The following CRY1 variants were observed in gnomAD, a reference collection of about 807,000 sequenced individuals.
CRY1 encodes cryptochrome circadian regulator 1, also known as cryptochrome-1.
Under a neutral mutation model 76.0 loss-of-function variants are expected in CRY1, and 45 were observed. The ratio of observed to expected loss-of-function variants is 0.59; its 90% CI spans 0.47 to 0.76. The LOEUF (loss-of-function observed/expected upper bound fraction) is 0.76, where lower values mean the gene tolerates loss of function less well. Ranked by LOEUF, CRY1 falls within the 30% of genes least tolerant of loss-of-function variation. CRY1 has a pLI of 0.00. For synonymous variants in CRY1, 248 were observed against 244.0 expected (o/e 1.02, Z -0.15); for missense variants, 587 against 716.4 (o/e 0.82, Z 2.06).
intron 1 of CRY1, among the ~76,000 whole-genome samples, chr12:107,068,604 T>C (rs12312071): frequency 0.016 from 2,432 of 152,116 alleles, 70 homozygotes; most frequent in African/African-American, 0.056. Flanking sequence ...AGCCCAAAAT[T>C]AATAATGTTA....
chr12:107,021,283 C>G (rs1407578340), intron 2 of CRY1, among the ~76,000 whole-genome samples: 3 of 150,840 alleles, frequency 2.0e-5, no homozygotes, highest in Non-Finnish European at 2.9e-5. Context: ...GACTCCATCT[C>G]AAAAAAAGAA....
At chr12:106,995,637 TTTTC>T (rs1459837033) in intron 10 of CRY1, among the ~76,000 whole-genome samples, 1 of 152,136 alleles carries the variant, frequency 6.6e-6, no homozygotes, top group South Asian at 2.1e-4. Flanking sequence ...TAGATTTCTT[TTTTC>T]TTTTTTTTCC....
intron 2 of CRY1, among the ~76,000 whole-genome samples, chr12:107,018,156 A>T (rs969083164): frequency 6.6e-6 from 1 of 152,268 alleles, no homozygotes; most frequent in Non-Finnish European, 1.5e-5. Flanking sequence ...TAACTTAAAA[A>T]AGCATAATAT....
chr12:107,031,180 A>G (rs1227942743), intron 1 of CRY1, among the ~76,000 whole-genome samples: 1 of 152,170 alleles, frequency 6.6e-6, no homozygotes, highest in Non-Finnish European at 1.5e-5. Flanking sequence ...GCAAGAAGGC[A>G]TAACAGGTCA....
intron 1 of CRY1, among the ~76,000 whole-genome samples, chr12:107,078,328 C>T (rs1199691037): frequency 6.6e-6 from 1 of 152,084 alleles, no homozygotes; most frequent in African/African-American, 2.4e-5. Flanking sequence ...TTTCCCACCT[C>T]TAAGTCTTTG....
At chr12:107,005,026 CTA>C in intron 3 of CRY1, 78 bp downstream of exon 3, 2 of 1,372,676 alleles carry the variant, frequency 1.5e-6, no homozygotes, top group Non-Finnish European at 2.0e-6. Context: ...TACCACCGAA[CTA>C]TATACTTAAA....
At chr12:107,012,647 T>C (rs1016578673) in intron 2 of CRY1, among the ~76,000 whole-genome samples, 4 of 152,356 alleles carry the variant, frequency 2.6e-5, no homozygotes, top group African/African-American at 9.6e-5. Flanking sequence ...TTTGTAAGGC[T>C]ATAGCTGCCA....
chr12:107,047,952 A>G (rs898070975), intron 1 of CRY1, among the ~76,000 whole-genome samples: 4 of 152,236 alleles, frequency 2.6e-5, no homozygotes, highest in Admixed American at 2.6e-4. Context: ...AAAAATTACA[A>G]AAGATCAACA....
At chr12:107,011,187 C>G (rs541324538) in intron 2 of CRY1, among the ~76,000 whole-genome samples, 114 of 152,058 alleles carry the variant, frequency 7.5e-4, no homozygotes, top group Non-Finnish European at 1.2e-3. Flanking sequence ...CTACTAAAAA[C>G]AAACAAACAA....
rs201522269 is a variant in CRY1 at position 107,033,003 on chromosome 12, CG to C, written c.159-10812del. 9.1e-3 allele frequency among the ~76,000 whole-genome samples: 1,366 copies of C among 150,842 alleles called. 17 individuals carry two copies. Among genetic ancestry groups the C allele is most frequent in the African/African-American group, 0.032 (1,308 of 41,024 alleles). ...ATGAAGAGACAATAATATAAATGTC[CG>C]ACAAGAATAATTAAGAAAAAAAATG... On this transcript the variant is annotated intron_variant, in intron 1 of 12. Transcript: ENST00000008527.
chr12:107,038,484 T>C (rs1952761805), intron 1 of CRY1, among the ~76,000 whole-genome samples: 1 of 151,830 alleles, frequency 6.6e-6, no homozygotes, highest in South Asian at 2.1e-4. Flanking sequence ...GATTGACTTA[T>C]AAAAGAAATG....
intron 1 of CRY1, among the ~76,000 whole-genome samples, chr12:107,055,864 A>G (rs960242463): frequency 2.0e-5 from 3 of 152,090 alleles, no homozygotes; most frequent in Admixed American, 6.6e-5. Flanking sequence ...AAATAACCAT[A>G]GATACTACAT....
intron 1 of CRY1, among the ~76,000 whole-genome samples, chr12:107,038,063 G>C (rs779305275): frequency 2.0e-5 from 3 of 152,116 alleles, no homozygotes; most frequent in Admixed American, 1.3e-4. Flanking sequence ...ATAAGTACCA[G>C]GCAAAGAAAG....
At chr12:107,083,271 G>A (rs1049243415) in intron 1 of CRY1, among the ~76,000 whole-genome samples, 3 of 152,142 alleles carry the variant, frequency 2.0e-5, no homozygotes, top group Admixed American at 6.5e-5. Flanking sequence ...GTACAAAGAG[G>A]AGCTGGTACC....
chr12:107,053,261 A>C (rs1260326949), intron 1 of CRY1, among the ~76,000 whole-genome samples: 1 of 152,216 alleles, frequency 6.6e-6, no homozygotes, highest in Non-Finnish European at 1.5e-5. Context: ...AGAACCAAAG[A>C]GATGGAAAAT....
intron 11 of CRY1, 25 bp downstream of exon 11, chr12:106,992,940 G>A (rs1334673066): frequency 2.5e-6 from 4 of 1,613,852 alleles, no homozygotes; most frequent in Non-Finnish European, 8.5e-7. Context: ...AAAAAGAACA[G>A]TATGCTCCAA....
intron 7 of CRY1, among the ~76,000 whole-genome samples, chr12:106,998,679 C>CACACACACACACACACAT (rs1413044623): frequency 1.3e-4 from 20 of 151,632 alleles, no homozygotes; most frequent in African/African-American, 3.9e-4. Flanking sequence ...CACACACACA[C>CACACACACACACACACAT]ACACACACAC....
chr12:106,995,815 C>T (rs758749586), intron 10 of CRY1, among the ~76,000 whole-genome samples: 4 of 151,894 alleles, frequency 2.6e-5, no homozygotes, highest in Non-Finnish European at 2.9e-5. Context: ...CTGCCCCTGC[C>T]CCCCCAACAG....
intron 1 of CRY1, among the ~76,000 whole-genome samples, chr12:107,047,694 C>T (rs1952866420): frequency 6.6e-6 from 1 of 152,178 alleles, no homozygotes; most frequent in Non-Finnish European, 1.5e-5. Flanking sequence ...AAGGCCTCCC[C>T]AGCCCTGCAG....
Sources: allele counts gnomAD v4.1 joint callset (sites outside exome capture counted in the v4.1 genomes callset), GRCh38; gene constraint gnomAD v4.1.1; transcripts MANE v1.5; gene names NCBI Gene and HGNC (gene_info 2026-07-23, HGNC 2026-07-21).